Variants in CSPG4 observed in about 807,000 individuals in gnomAD.
CSPG4 encodes the protein chondroitin sulfate proteoglycan 4.
A neutral mutation model predicts 139.3 loss-of-function variants in CSPG4; 74 were observed. The ratio of observed to expected loss-of-function variants is 0.53; its 90% CI spans 0.44 to 0.64. The LOEUF is 0.64. Ranked by LOEUF, CSPG4 falls within the 30% of genes least tolerant of loss-of-function variation. The pLI is 0.00. For synonymous variants in CSPG4, 1,234 were observed against 1,394.2 expected (o/e 0.89, Z 2.56); for missense variants, 2,565 against 3,148.3 (o/e 0.81, Z 4.43).
intron 5 of CSPG4, among the ~76,000 whole-genome samples, chr15:75,683,444 G>A (rs1239452517): frequency 2.6e-5 from 4 of 152,210 alleles, no homozygotes; most frequent in East Asian, 1.9e-4. Context: ...CAGAGCCTCC[G>A]TGTGTGCCTG....
At chr15:75,691,247 A>G (rs4886731) in intron 2 of CSPG4, among the ~76,000 whole-genome samples, 103,744 of 152,096 alleles carry the variant, frequency 0.68, 35,845 homozygotes, top group African/African-American at 0.79. Flanking sequence ...CTAGGACAAG[A>G]GCCTCTGGTG....
chr15:75,701,043 G>A (rs1361458008), intron 1 of CSPG4, among the ~76,000 whole-genome samples: 1 of 152,130 alleles, frequency 6.6e-6, no homozygotes, highest in African/African-American at 2.4e-5. Context: ...TGGCCTCAGT[G>A]TCCCCATCTG....
Position 75,687,229 on chromosome 15 carries a change from G to A in CSPG4, c.3789+47C>T, listed in dbSNP as rs778022873. 4 of 1,600,124 alleles carry A rather than the reference G, an allele frequency of 2.5e-6. No individual in the cohort carries two copies. Among genetic ancestry groups the A allele is most frequent in the African/African-American group, 2.7e-5 (2 of 74,758 alleles). On this transcript the variant is annotated intron_variant, in intron 3 of 9. Transcript: ENST00000308508. The surrounding 1 kb of genome is among the most constrained non-coding windows in gnomAD (Gnocchi z 5.4). The stretch of plus-strand genomic sequence containing the variant: ...TTCCTGGCATGGAGGCTGGGAGAAG[G>A]CCCTCTACCTGGCCCACACCCCTGC...
At chr15:75,678,837 GTGT>G (rs1407249177) in intron 8 of CSPG4, 1 of 455,580 alleles carries the variant, frequency 2.2e-6, no homozygotes, top group South Asian at 1.6e-5. Context: ...AGAGGCCTCC[GTGT>G]TGTTGGATCC....
At chr15:75,703,836 G>A (rs1302882750) in intron 1 of CSPG4, among the ~76,000 whole-genome samples, 1 of 132,914 alleles carries the variant, frequency 7.5e-6, no homozygotes, top group Non-Finnish European at 1.6e-5. Context: ...GGAGCCACAA[G>A]CAGTGACTCA....
At chr15:75,706,430 T>C (rs374810483) in intron 1 of CSPG4, among the ~76,000 whole-genome samples, 1 of 149,448 alleles carries the variant, frequency 6.7e-6, no homozygotes, top group Non-Finnish European at 1.5e-5. Context: ...TGAATGTGTA[T>C]GTGTGTGTGT....
In CSPG4 at chr15:75,674,639, C is replaced by G; in HGVS notation, c.*911G>C. On this transcript the variant is annotated 3_prime_UTR_variant, in exon 10 of 10. Coordinates refer to ENST00000308508, the MANE Select transcript of CSPG4 (RefSeq NM_001897.5). ...ACACAGCTGTCCAGAGCCTCCAAAGCACTGTTTATCCAGGCTCCATGGAAC... is the reference window on the plus strand; with the variant it reads ...ACACAGCTGTCCAGAGCCTCCAAAGGACTGTTTATCCAGGCTCCATGGAAC... 2.5e-6 allele frequency: 1 copy of G among 398,878 alleles called. No individual in the cohort carries two copies. The highest frequency in any genetic ancestry group is 4.4e-5 in the Admixed American group (1 of 22,744). 24.7% of individuals were successfully genotyped at this position (398,878 alleles called of 1,614,324 possible). A position where few individuals can be genotyped will look rare whatever the true frequency, so the allele number is the denominator to read the frequency against.
rs1893995264 is a variant in CSPG4 at position 75,682,877 on chromosome 15, C to T, written c.4614G>A (p.Gln1538=). 6.2e-7 allele frequency: 1 copy of T among 1,610,400 alleles called. No individual in the cohort carries two copies. The highest frequency in any genetic ancestry group is 1.3e-5 in the African/African-American group (1 of 74,864). Residue 1538 remains glutamine, a synonymous_variant, in exon 6 of 10, where the codon CAG becomes CAA. Transcript: ENST00000308508. The part of the protein sequence containing the change: ...GTEVRSFTQA[Q]LDGGLVLFSH... ...AGAACAGCACGAGCCCGCCGTCCAG[C>T]TGGGCCTGCGTGAAGCTGCGCACCT... is the stretch of plus-strand genomic sequence containing the variant.
At chr15:75,702,028 G>C (rs1243457710) in intron 1 of CSPG4, among the ~76,000 whole-genome samples, 1 of 152,186 alleles carries the variant, frequency 6.6e-6, no homozygotes, top group East Asian at 1.9e-4. Context: ...CACCGTCCTC[G>C]GTCTGGCTTA....
Position 75,677,198 on chromosome 15 carries a change from AAGTGGGGCTGCCC to A in CSPG4, c.5308_5320del (p.Gly1770SerfsTer11). ...CCCTGCAGCCAGCTGGGACTGCAGGAAGTGGGGCTGCCCAGCATGGAGGGGCTCCTCGGACACC... is the reference window on the plus strand; with the variant it reads ...CCCTGCAGCCAGCTGGGACTGCAGGAAGCATGGAGGGGCTCCTCGGACACC... On this transcript the variant is annotated frameshift_variant, in exon 10 of 10. Coordinates refer to ENST00000308508, the MANE Select transcript of CSPG4 (RefSeq NM_001897.5). LOFTEE classifies it low-confidence loss of function (END_TRUNC). 1 of 1,447,424 alleles carries A rather than the reference AAGTGGGGCTGCCC, an allele frequency of 6.9e-7. No homozygotes were observed. The highest frequency in any genetic ancestry group is 1.6e-5 in the South Asian group (1 of 64,516). The allele number at this position is 1,447,424 out of a possible 1,614,324, so 89.7% of individuals were successfully genotyped here. A position where few individuals can be genotyped will look rare whatever the true frequency, so the allele number is the denominator to read the frequency against.
At chr15:75,683,184 C>T (rs1336579598) in intron 5 of CSPG4, 143 bp from the exon 6 acceptor site, 3 of 792,226 alleles carry the variant, frequency 3.8e-6, no homozygotes, top group Non-Finnish European at 6.1e-6. Context: ...TCTGGCTCCC[C>T]TGCACAAAGG....
At chr15:75,702,447 CCT>C (rs925924867) in intron 1 of CSPG4, among the ~76,000 whole-genome samples, 4 of 152,270 alleles carry the variant, frequency 2.6e-5, no homozygotes, top group African/African-American at 9.6e-5. Flanking sequence ...GCTGTTGTCA[CCT>C]CTCTCCATTT....
Position 75,675,817 on chromosome 15 carries a change from CA to C in CSPG4, c.6701del (p.Leu2234ArgfsTer27). 6.2e-7 allele frequency: 1 copy of C among 1,613,086 alleles called. No homozygotes were observed. Among genetic ancestry groups the C allele is most frequent in the Non-Finnish European group, 8.5e-7 (1 of 1,180,006 alleles). ...GCAGGGGCAGGATGAGCGCCAGGAG[CA>C]GAAGTACCAGGCACATGGGGATGAT... ...SVIIPMCLVL[L>X]LLALILPLLF... On this transcript the variant is annotated frameshift_variant, in exon 10 of 10. Transcript: ENST00000308508. LOFTEE classifies it high-confidence loss of function.
chr15:75,685,120 C>A, intron 4 of CSPG4, 99 bp downstream of exon 4: 1 of 1,456,198 alleles, frequency 6.9e-7, no homozygotes, highest in Non-Finnish European at 9.2e-7. Flanking sequence ...CTCCCCGTCT[C>A]CTCTCTGTGT....
Position 75,676,951 on chromosome 15 carries a change from C to A in CSPG4, c.5568G>T (p.Leu1856=). 1 of 1,521,986 alleles carries A rather than the reference C, an allele frequency of 6.6e-7. No homozygotes were observed. The highest frequency in any genetic ancestry group is 8.9e-7 in the Non-Finnish European group (1 of 1,129,888). The allele number at this position is 1,521,986 out of a possible 1,614,324, so 94.3% of individuals were successfully genotyped here. A position where few individuals can be genotyped will look rare whatever the true frequency, so the allele number is the denominator to read the frequency against. The change falls in exon 10 of 10, where the codon CTG becomes CTT. Residue 1856 remains leucine (L), a synonymous_variant. Transcript: ENST00000308508. ...GAGCTGAGTCTGGGTCCACCACACT[C>A]AGCTGGGCCCGGGAGATGGGGGCAC... ...GSRAPISRAQ[L]SVVDPDSAPG...
rs1566970657 is a variant in CSPG4, at chr15:75,675,045, C to T, written c.*505G>A. ...CTCTACTCCAGGGGATACCATCTCCCTAAAAAACCAGGGGAGGAAGTTTTT... is the reference window on the plus strand; with the variant it reads ...CTCTACTCCAGGGGATACCATCTCCTTAAAAAACCAGGGGAGGAAGTTTTT... On this transcript the variant is annotated 3_prime_UTR_variant, in exon 10 of 10. Transcript: ENST00000308508. The T allele has an allele frequency of 7.8e-6, 3 of 385,822 alleles. No homozygotes were observed. Among genetic ancestry groups the T allele is most frequent in the Middle Eastern group, 6.5e-4 (1 of 1,544 alleles). The allele number at this position is 385,822 out of a possible 1,614,324, so 23.9% of individuals were successfully genotyped here. A position where few individuals can be genotyped will look rare whatever the true frequency, so the allele number is the denominator to read the frequency against.
Position 75,677,725 on chromosome 15 carries a change from G to A in CSPG4, c.5112C>T (p.Pro1704=), listed in dbSNP as rs753081178. Residue 1704 remains proline (P), a synonymous_variant, in exon 9 of 10, where the codon CCC becomes CCT. Coordinates refer to ENST00000308508, the MANE Select transcript of CSPG4 (RefSeq NM_001897.5). ...VSFEAACPQR[P]SHLWKNKGLW... is the part of the protein sequence containing the mutation. Reference sequence around the variant, plus strand: ...CACCTTTGTTCTTCCAGAGGTGGCTGGGGCGCTGGGGACAGGCAGCCTCAA... The same window carrying A: ...CACCTTTGTTCTTCCAGAGGTGGCTAGGGCGCTGGGGACAGGCAGCCTCAA... The A allele has an allele frequency of 9.4e-6, 15 of 1,604,148 alleles. No individual in the cohort carries two copies. The Middle Eastern group carries it at 5.0e-4, about 53-fold the overall frequency.
chr15:75,677,059 G>T lies in CSPG4; in HGVS notation c.5460C>A (p.Ala1820=). The T allele has an allele frequency of 7.0e-7, 1 of 1,418,854 alleles. No individual in the cohort carries two copies. Among genetic ancestry groups the T allele is most frequent in the Non-Finnish European group, 9.3e-7 (1 of 1,080,338 alleles). The allele number at this position is 1,418,854 out of a possible 1,614,324, so 87.9% of individuals were successfully genotyped here. A position where few individuals can be genotyped will look rare whatever the true frequency, so the allele number is the denominator to read the frequency against. The change falls in exon 10 of 10, where the codon GCC becomes GCA. Residue 1820 remains alanine, a synonymous_variant. Coordinates refer to ENST00000308508, the MANE Select transcript of CSPG4 (RefSeq NM_001897.5). ...TTACATCCCTCACCGTGATGGCAAA[G>T]GCCTCTGAGGTTTGGGGTCCAGCCA... ...ASVAGPQTSE[A]FAITVRDVNE...
At chr15:75,684,705 G>A in intron 5 of CSPG4, 31 bp downstream of exon 5, 2 of 1,597,218 alleles carry the variant, frequency 1.3e-6, no homozygotes, top group Non-Finnish European at 1.7e-6. Flanking sequence ...TCTCGAAGCA[G>A]ACATGGGGGT....
Sources: gnomAD v4.1 joint callset for allele counts (sites outside exome capture counted in the v4.1 genomes callset) on GRCh38, gnomAD v4.1.1 for gene constraint, Gnocchi (gnomAD v3.1) non-coding constraint, MANE v1.5 for transcripts, NCBI Gene and HGNC (gene_info 2026-07-23, HGNC 2026-07-21) for gene names.